Variants in ADAM32 observed in about 807,000 individuals in gnomAD.
The protein encoded by ADAM32 is ADAM metallopeptidase domain 32.
ADAM32 carries 89 observed loss-of-function variants against 114.9 expected under a neutral mutation model. The ratio of observed to expected loss-of-function variants is 0.77; its 90% CI spans 0.65 to 0.92. The LOEUF is 0.92. Ranked by LOEUF, ADAM32 falls within the 40% of genes least tolerant of loss-of-function variation. ADAM32 has a pLI of 0.00. For synonymous variants in ADAM32, 285 were observed against 307.5 expected, an observed-to-expected ratio of 0.93 and a Z score of 0.77; for missense variants, 870 against 932.8, an observed-to-expected ratio of 0.93 and a Z score of 0.88.
intron 3 of ADAM32, 126 bp downstream of exon 3, chr8:39,136,844 G>T: frequency 1.5e-6 from 1 of 653,358 alleles, no homozygotes; most frequent in South Asian, 2.6e-5. Context: ...TAAGTGAAGA[G>T]ATGCTGTCCT....
rs534878290 is a variant in ADAM32, at chr8:39,224,386, C to T, written c.1525+1148C>T. The stretch of plus-strand genomic sequence containing the variant: ...TAGCAGCTGTACCAACTTATATTCC[C>T]ACTGACAGTGTATGAGGGTTTCTTT... On this transcript the variant is annotated intron_variant, in intron 14 of 24. Coordinates refer to ENST00000379907, the MANE Select transcript of ADAM32 (RefSeq NM_145004.7). Among the ~76,000 whole-genome samples, 13 of 152,256 alleles carry T rather than the reference C, an allele frequency of 8.5e-5. No individual in the cohort carries two copies. The East Asian group carries it at 2.3e-3, about 27-fold the overall frequency.
chr8:39,236,013 A>T lies in ADAM32; in HGVS notation c.1818+1931A>T, dbSNP rs193132462. On this transcript the variant is annotated intron_variant, in intron 16 of 24. Coordinates refer to ENST00000379907, the MANE Select transcript of ADAM32 (RefSeq NM_145004.7). ...TGCTTTTTCTAAAATAACATTTTTTAAAAAAGTATTATTGTACTCGTGTAA... is the reference window on the plus strand; with the variant it reads ...TGCTTTTTCTAAAATAACATTTTTTTAAAAAGTATTATTGTACTCGTGTAA... Among the ~76,000 whole-genome samples the T allele has an allele frequency of 3.9e-5, 6 of 152,322 alleles. No individual in the cohort carries two copies. The South Asian group carries it at 6.2e-4, about 16-fold the overall frequency.
intron 7 of ADAM32, among the ~76,000 whole-genome samples, chr8:39,163,093 A>G (rs1052421043): frequency 6.6e-6 from 1 of 152,226 alleles, no homozygotes; most frequent in African/African-American, 2.4e-5. Flanking sequence ...GGCATAGTGA[A>G]TTCATTGCCA....
At chr8:39,143,360 T>A (rs1453050049) in intron 3 of ADAM32, among the ~76,000 whole-genome samples, 1 of 152,230 alleles carries the variant, frequency 6.6e-6, no homozygotes, top group African/African-American at 2.4e-5. Context: ...CTACCTTTAG[T>A]CTTTGATGTT....
At chr8:39,144,664 A>AT (rs55800840) in intron 3 of ADAM32, among the ~76,000 whole-genome samples, 151,325 of 152,354 alleles carry the variant, frequency 0.99, 75,155 homozygotes, top group Middle Eastern at 1. Flanking sequence ...CCTTAACACA[A>AT]AAATGTCATA....
At chr8:39,108,666 C>T (rs1315532754) in intron 1 of ADAM32, among the ~76,000 whole-genome samples, 4 of 152,124 alleles carry the variant, frequency 2.6e-5, no homozygotes, top group Non-Finnish European at 5.9e-5. Context: ...GAAAAAAATA[C>T]GGGCATATCC....
At position 39,143,875 on chromosome 8, in the gene ADAM32, G is replaced by A. The variant is rs185957305; in HGVS notation, c.201-3255G>A. On this transcript the variant is annotated intron_variant, in intron 3 of 24. Coordinates refer to ENST00000379907, the MANE Select transcript of ADAM32 (RefSeq NM_145004.7). ...AGCTGTGGTGGGGTCTGCCCAGTTC[G>A]TGCTTCCTGGCCACTTTGTTTACAC... Among the ~76,000 whole-genome samples, 68 of 152,292 alleles carry A rather than the reference G, an allele frequency of 4.5e-4. No homozygotes were observed. In the East Asian group the frequency reaches 0.01, roughly 23 times the overall value.
chr8:39,151,361 A>C lies in ADAM32; in HGVS notation c.354-16A>C. The C allele has an allele frequency of 1.3e-6, 2 of 1,558,038 alleles. No individual in the cohort carries two copies. The highest frequency in any genetic ancestry group is 2.3e-5 in the East Asian group (1 of 42,656). On this transcript the variant is annotated splice_polypyrimidine_tract_variant and intron_variant, in intron 5 of 24. Coordinates refer to ENST00000379907, the MANE Select transcript of ADAM32 (RefSeq NM_145004.7). ...TTTGATTAAAAGCACTTAAAATTGT[A>C]TTCATAATTTCACAGAGGAATACTG...
At chr8:39,108,480 G>A (rs1395419935) in intron 1 of ADAM32, among the ~76,000 whole-genome samples, 1 of 152,054 alleles carries the variant, frequency 6.6e-6, no homozygotes, top group African/African-American at 2.4e-5. Flanking sequence ...GACTAATATA[G>A]TACTTAACAG....
chr8:39,252,209 C>G (rs1811351439), intron 17 of ADAM32, among the ~76,000 whole-genome samples: 1 of 151,450 alleles, frequency 6.6e-6, no homozygotes, highest in East Asian at 1.9e-4. Flanking sequence ...AGTCACGAGA[C>G]AAGTCTTAAC....
chr8:39,265,757 T>TG (rs940910396), intron 19 of ADAM32, among the ~76,000 whole-genome samples: 6 of 151,972 alleles, frequency 3.9e-5, no homozygotes, highest in Non-Finnish European at 2.9e-5. Context: ...TTAATAGTGT[T>TG]GGGGGGCTAC....
rs375076664 is a variant in ADAM32, at chr8:39,247,554, G to A, written c.1902+1388G>A. ...TTTTAAATCAAGTTGTTTTCTTGTTGAGTTTTAAGTTTTCTCTTCATATTT... is the reference window on the plus strand; with the variant it reads ...TTTTAAATCAAGTTGTTTTCTTGTTAAGTTTTAAGTTTTCTCTTCATATTT... On this transcript the variant is annotated intron_variant, in intron 17 of 24. Coordinates refer to ENST00000379907, the MANE Select transcript of ADAM32 (RefSeq NM_145004.7). 5.2e-3 allele frequency among the ~76,000 whole-genome samples: 796 copies of A among 151,914 alleles called. 6 individuals are homozygous for A. Among genetic ancestry groups the A allele is most frequent in the African/African-American group, 0.018 (763 of 41,436 alleles).
chr8:39,228,257 T>G (rs1239112920), intron 14 of ADAM32, among the ~76,000 whole-genome samples: 1 of 152,134 alleles, frequency 6.6e-6, no homozygotes, highest in Non-Finnish European at 1.5e-5. Flanking sequence ...CCTGGTAATA[T>G]GACAAAACAA....
chr8:39,145,041 GA>G (rs140747408), intron 3 of ADAM32, among the ~76,000 whole-genome samples: 1,793 of 152,116 alleles, frequency 0.012, 36 homozygotes, highest in African/African-American at 0.04. Flanking sequence ...TTCCAAAAAT[GA>G]AATCAAGAAA....
intron 12 of ADAM32, among the ~76,000 whole-genome samples, chr8:39,216,203 A>G (rs1808557366): frequency 6.6e-6 from 1 of 152,176 alleles, no homozygotes. Context: ...TTTGTCGGAT[A>G]TGAGTCTAGC....
chr8:39,200,884 G>A (rs982217777), intron 11 of ADAM32, among the ~76,000 whole-genome samples: 70 of 151,986 alleles, frequency 4.6e-4, no homozygotes, highest in Admixed American at 2.0e-3. Flanking sequence ...ATAGGGAATC[G>A]TTTCCCCATT....
intron 16 of ADAM32, among the ~76,000 whole-genome samples, chr8:39,242,284 C>G (rs1188423659): frequency 1.3e-5 from 2 of 152,218 alleles, no homozygotes; most frequent in Non-Finnish European, 2.9e-5. Flanking sequence ...GCCCTCCAAA[C>G]TGTTCCAACC....
chr8:39,238,218 T>A (rs970242894), intron 16 of ADAM32, among the ~76,000 whole-genome samples: 1 of 152,202 alleles, frequency 6.6e-6, no homozygotes, highest in Non-Finnish European at 1.5e-5. Context: ...CTAGTATCAA[T>A]GGCTGAGAGA....
intron 16 of ADAM32, among the ~76,000 whole-genome samples, chr8:39,239,511 A>G (rs1810415284): frequency 6.6e-6 from 1 of 152,180 alleles, no homozygotes; most frequent in Non-Finnish European, 1.5e-5. Flanking sequence ...CAACAACACA[A>G]TGAAAAAATA....
Sources: gnomAD v4.1 joint callset for allele counts (sites outside exome capture counted in the v4.1 genomes callset) on GRCh38, gnomAD v4.1.1 for gene constraint, MANE v1.5 for transcripts, NCBI Gene and HGNC (gene_info 2026-07-23, HGNC 2026-07-21) for gene names.